The following BMP7 variants were observed in gnomAD, a reference collection of about 807,000 sequenced individuals.
BMP7 encodes bone morphogenetic protein 7.
A neutral mutation model predicts 41.2 loss-of-function variants in BMP7; 12 were observed. The observed-to-expected ratio is 0.29, with a 90% CI of 0.19 to 0.47. BMP7 has a LOEUF of 0.47. BMP7 is among the 20% of genes least tolerant of loss of function. The pLI, the probability that BMP7 is intolerant of heterozygous loss-of-function variation, is 0.99. For missense variants in BMP7, 467 were observed against 606.0 expected (o/e 0.77, Z 2.41); for synonymous variants, 248 against 250.0 (o/e 0.99, Z 0.07).
chr20:57,262,688 G>A (rs1264376799), intron 1 of BMP7, among the ~76,000 whole-genome samples: 5 of 152,102 alleles, frequency 3.3e-5, no homozygotes, highest in African/African-American at 9.7e-5. Context: ...AGTGCAGGGC[G>A]AAGGGGCAGC....
Position 57,259,393 on chromosome 20 carries a change from G to A in BMP7, c.418+6312C>T, listed in dbSNP as rs2066145496. ...CATTGGCATTCCAAACACAGGAAAG[G>A]AAGGAAATTGGAAACACAGTTTATA... On this transcript the variant is annotated intron_variant, in intron 1 of 6. Transcript: ENST00000395863. The surrounding 1 kb of genome is among the most constrained non-coding windows in gnomAD (Gnocchi z 4.7). 1.3e-5 allele frequency among the ~76,000 whole-genome samples: 2 copies of A among 152,334 alleles called. No homozygotes were observed. The highest frequency in any genetic ancestry group is 2.9e-5 in the Non-Finnish European group (2 of 68,036).
chr20:57,252,260 C>G (rs1313088771), intron 1 of BMP7, among the ~76,000 whole-genome samples: 7 of 152,168 alleles, frequency 4.6e-5, no homozygotes, highest in Admixed American at 3.9e-4. Context: ...AAAAAATGTA[C>G]CAGCCATTCT....
At chr20:57,226,581 G>A (rs1287830579) in intron 2 of BMP7, among the ~76,000 whole-genome samples, 2 of 152,222 alleles carry the variant, frequency 1.3e-5, no homozygotes, top group Non-Finnish European at 2.9e-5. Context: ...GGCACCCCGT[G>A]TGAACCCCTG....
At chr20:57,182,522 G>A (rs1220709394) in intron 4 of BMP7, among the ~76,000 whole-genome samples, 2 of 152,268 alleles carry the variant, frequency 1.3e-5, no homozygotes, top group Admixed American at 1.3e-4. Flanking sequence ...GGACACCGAA[G>A]CTCATCCAGG....
In BMP7 at chr20:57,185,264, A is replaced by G. The variant is rs140629129; in HGVS notation, c.761-1345T>C. 4.5e-4 allele frequency among the ~76,000 whole-genome samples: 69 copies of G among 152,348 alleles called. No homozygotes were observed. In the East Asian group the frequency reaches 0.013, roughly 28 times the overall value. On this transcript the variant is annotated intron_variant, in intron 3 of 6. Transcript: ENST00000395863. ...TTTAACTTTTTGTTGTGAAATGATT[A>G]TAGATTCACAGGAAGTTGAAAGACG...
chr20:57,175,760 C>T (rs1045023161), intron 4 of BMP7, among the ~76,000 whole-genome samples: 2 of 152,332 alleles, frequency 1.3e-5, no homozygotes, highest in East Asian at 1.9e-4. Context: ...CTAGTCATGA[C>T]CTGTCTTTCC....
chr20:57,170,831 A>G lies in BMP7; in HGVS notation c.*128T>C. 1 of 1,211,942 alleles carries G rather than the reference A, an allele frequency of 8.3e-7. No homozygotes were observed. Among genetic ancestry groups the G allele is most frequent in the Non-Finnish European group, 1.2e-6 (1 of 850,916 alleles). The allele number at this position is 1,211,942 out of a possible 1,614,324, so 75.1% of individuals were successfully genotyped here. On this transcript the variant is annotated 3_prime_UTR_variant, in exon 7 of 7. Transcript: ENST00000395863. The stretch of plus-strand genomic sequence containing the variant: ...TGCTCATGTTTCCTAATACTCTCAC[A>G]CCTTTAAAGTTGGGGATAGGGAGGG...
chr20:57,246,782 A>T (rs2066092249), intron 1 of BMP7, among the ~76,000 whole-genome samples: 1 of 152,144 alleles, frequency 6.6e-6, no homozygotes, highest in Non-Finnish European at 1.5e-5. Flanking sequence ...TGAGGTTGGG[A>T]GTTCAAGACC....
Position 57,170,708 on chromosome 20 carries a change from A to G in BMP7, c.*251T>C. The G allele has an allele frequency of 2.1e-6, 1 of 471,548 alleles. No homozygotes were observed. The highest frequency in any genetic ancestry group is 3.8e-6 in the Non-Finnish European group (1 of 260,282). The allele number at this position is 471,548 out of a possible 1,614,324, so 29.2% of individuals were successfully genotyped here. ...TGACCTGGCCCGGCCATTTTTCTTTATGCGTTGTTTTTTTTTCCTGCTAGG... is the reference window on the plus strand; with the variant it reads ...TGACCTGGCCCGGCCATTTTTCTTTGTGCGTTGTTTTTTTTTCCTGCTAGG... On this transcript the variant is annotated 3_prime_UTR_variant, in exon 7 of 7. Transcript: ENST00000395863.
chr20:57,251,827 G>A (rs542767538), intron 1 of BMP7, among the ~76,000 whole-genome samples: 4 of 152,282 alleles, frequency 2.6e-5, no homozygotes, highest in African/African-American at 7.2e-5. Flanking sequence ...CCAGCTACTC[G>A]GGAGGCTGAG....
At chr20:57,207,333 A>C (rs1158171008) in intron 2 of BMP7, among the ~76,000 whole-genome samples, 1 of 152,244 alleles carries the variant, frequency 6.6e-6, no homozygotes, top group Non-Finnish European at 1.5e-5. Context: ...GTGAGGTGCC[A>C]TCTCAGGCCT....
rs565825970 is a variant in BMP7, at chr20:57,263,520, T to C, written c.418+2185A>G. ...GCCCACACTGCCGGCCCATAAGCAC[T>C]GGGGGCTTTTTTGCTCTTGGTTTGC... is the stretch of plus-strand genomic sequence containing the variant. On this transcript the variant is annotated intron_variant, in intron 1 of 6. Coordinates refer to ENST00000395863, the MANE Select transcript of BMP7 (RefSeq NM_001719.3). Among the ~76,000 whole-genome samples the C allele has an allele frequency of 1.3e-3, 203 of 152,322 alleles. 1 individual carries two copies. Among genetic ancestry groups the C allele is most frequent in the Non-Finnish European group, 1.9e-3 (128 of 68,012 alleles).
chr20:57,190,657 TG>T (rs1984334368), intron 3 of BMP7, among the ~76,000 whole-genome samples: 1 of 152,000 alleles, frequency 6.6e-6, no homozygotes, highest in African/African-American at 2.4e-5. Context: ...GAGAGAGTGG[TG>T]GTCCAGAAGC....
intron 2 of BMP7, among the ~76,000 whole-genome samples, chr20:57,210,686 C>T (rs985351150): frequency 1.3e-5 from 2 of 152,220 alleles, no homozygotes; most frequent in South Asian, 2.1e-4. Flanking sequence ...ACAGGAAACA[C>T]GAATTCCAAC....
intron 1 of BMP7, among the ~76,000 whole-genome samples, chr20:57,251,318 G>A (rs910226449): frequency 7.2e-5 from 11 of 152,208 alleles, no homozygotes; most frequent in Admixed American, 2.0e-4. Flanking sequence ...GGGGCAGAGC[G>A]GTGGGGGCTC....
At chr20:57,189,005 C>T (rs1187085002) in intron 3 of BMP7, among the ~76,000 whole-genome samples, 1 of 152,228 alleles carries the variant, frequency 6.6e-6, no homozygotes, top group Non-Finnish European at 1.5e-5. Flanking sequence ...GGTTTACAGT[C>T]AGTTCTCAAC....
chr20:57,240,530 A>G (rs1247884901), intron 1 of BMP7, among the ~76,000 whole-genome samples: 1 of 152,134 alleles, frequency 6.6e-6, no homozygotes, highest in Admixed American at 6.6e-5. Flanking sequence ...TCACTTCCAC[A>G]TTTTTGGGTA....
chr20:57,219,180 G>A (rs1568719334), intron 2 of BMP7, among the ~76,000 whole-genome samples: 1 of 142,680 alleles, frequency 7.0e-6, no homozygotes, highest in Non-Finnish European at 1.5e-5. Flanking sequence ...GTGGTAGCTG[G>A]TGTTTGTTCA....
intron 1 of BMP7, among the ~76,000 whole-genome samples, chr20:57,241,585 T>C (rs1600640167): frequency 6.6e-6 from 1 of 152,138 alleles, no homozygotes; most frequent in African/African-American, 2.4e-5. Context: ...CCACCTGGAG[T>C]CCTACCCGCC....
Sources: allele counts gnomAD v4.1 joint callset (sites outside exome capture counted in the v4.1 genomes callset), GRCh38; gene constraint gnomAD v4.1.1; non-coding constraint Gnocchi (gnomAD v3.1); transcripts MANE v1.5; gene names NCBI Gene and HGNC (gene_info 2026-07-23, HGNC 2026-07-21).